GRID1: variants seen among roughly 807,000 people sequenced by gnomAD.
The protein encoded by GRID1 is glutamate ionotropic receptor delta type subunit 1.
GRID1 carries 28 observed loss-of-function variants against 98.0 expected under a neutral mutation model. The ratio of observed to expected loss-of-function variants is 0.29; its 90% CI spans 0.21 to 0.39. The LOEUF (loss-of-function observed/expected upper bound fraction) is 0.39, where lower values mean the gene tolerates loss of function less well. Ranked by LOEUF, GRID1 falls within the 10% of genes least tolerant of loss-of-function variation. GRID1 has a pLI of 1.00. For synonymous variants in GRID1, 553 were observed against 538.5 expected, an observed-to-expected ratio of 1.03 and a Z score of -0.37; for missense variants, 1,111 against 1,340.5, an observed-to-expected ratio of 0.83 and a Z score of 2.67.
At position 86,206,285 on chromosome 10, in the gene GRID1, C is replaced by T; in HGVS notation, c.520+79G>A. 7.1e-7 allele frequency: 1 copy of T among 1,416,664 alleles called. No individual in the cohort carries two copies. Among genetic ancestry groups the T allele is most frequent in the South Asian group, 1.3e-5 (1 of 76,182 alleles). 87.8% of individuals were successfully genotyped at this position (1,416,664 alleles called of 1,614,324 possible). ...CAGACCACCCCTGACCGGTCCAGGGCCCCACCCACTCTCAGGTCTCCCAGC... is the reference window on the plus strand; with the variant it reads ...CAGACCACCCCTGACCGGTCCAGGGTCCCACCCACTCTCAGGTCTCCCAGC... On this transcript the variant is annotated intron_variant, in intron 3 of 15. Coordinates refer to ENST00000327946, the MANE Select transcript of GRID1 (RefSeq NM_017551.3). The surrounding 1 kb of genome is among the most constrained non-coding windows in gnomAD (Gnocchi z 4.1).
chr10:85,610,717 T>A (rs915152799), intron 15 of GRID1, among the ~76,000 whole-genome samples: 3 of 152,034 alleles, frequency 2.0e-5, no homozygotes, highest in Non-Finnish European at 4.4e-5. Flanking sequence ...CATGAGGAAG[T>A]AAGCTCCCTG....
At chr10:85,736,695 C>T (rs887024958) in intron 8 of GRID1, among the ~76,000 whole-genome samples, 1 of 152,004 alleles carries the variant, frequency 6.6e-6, no homozygotes, top group Non-Finnish European at 1.5e-5. Context: ...AGCAAATGGG[C>T]TCAGAGTATG....
At chr10:86,197,952 T>C (rs537847237) in intron 3 of GRID1, among the ~76,000 whole-genome samples, 5 of 152,174 alleles carry the variant, frequency 3.3e-5, no homozygotes, top group Admixed American at 2.0e-4. Flanking sequence ...ACTCATTTTG[T>C]CTGGAAAAAG....
chr10:85,933,851 G>A (rs1215811132), intron 4 of GRID1, among the ~76,000 whole-genome samples: 2 of 152,178 alleles, frequency 1.3e-5, no homozygotes, highest in African/African-American at 2.4e-5. Context: ...TGTGCATGAG[G>A]GCTGGAGATT....
rs1841136746 is a variant in GRID1 at position 85,675,671 on chromosome 10, T to C, written c.1998-28274A>G. Among the ~76,000 whole-genome samples, 12 of 152,334 alleles carry C rather than the reference T, an allele frequency of 7.9e-5. No individual in the cohort carries two copies. The South Asian group carries it at 2.5e-3, about 32-fold the overall frequency. ...GAGGGAGATCATAAACACAATGAAT[T>C]CAACATTCAAACTTCAGAGAGAAGA... On this transcript the variant is annotated intron_variant, in intron 12 of 15. Transcript: ENST00000327946.
At chr10:85,821,772 C>T (rs556316767) in intron 8 of GRID1, among the ~76,000 whole-genome samples, 4 of 152,130 alleles carry the variant, frequency 2.6e-5, no homozygotes, top group Non-Finnish European at 5.9e-5. Flanking sequence ...CATCACGCTA[C>T]CTGACTTCAA....
intron 4 of GRID1, among the ~76,000 whole-genome samples, chr10:86,045,799 G>T (rs1190092149): frequency 6.6e-6 from 1 of 152,172 alleles, no homozygotes; most frequent in East Asian, 1.9e-4. Context: ...GTTATGGTTG[G>T]AAACAGAGGA....
chr10:86,025,112 G>A (rs1473992479), intron 4 of GRID1, among the ~76,000 whole-genome samples: 1 of 152,152 alleles, frequency 6.6e-6, no homozygotes. Context: ...AATAGTTTGC[G>A]AGAAAGCAGC....
chr10:86,213,346 G>T (rs911959187), intron 2 of GRID1, among the ~76,000 whole-genome samples: 2 of 151,998 alleles, frequency 1.3e-5, no homozygotes, highest in Non-Finnish European at 2.9e-5. Context: ...GGCTCCCCAC[G>T]CTGACACATC....
chr10:85,651,403 A>T (rs115344235), intron 12 of GRID1, among the ~76,000 whole-genome samples: 358 of 152,292 alleles, frequency 2.4e-3, no homozygotes, highest in African/African-American at 8.3e-3. Context: ...ATTGGAGCCT[A>T]TCTCCTCAAC....
At chr10:85,942,751 T>G (rs1315237843) in intron 4 of GRID1, among the ~76,000 whole-genome samples, 3 of 152,240 alleles carry the variant, frequency 2.0e-5, no homozygotes, top group African/African-American at 7.2e-5. Flanking sequence ...AATTAACTTT[T>G]GTCCTGTGGT....
At chr10:85,980,432 T>C (rs1842530619) in intron 4 of GRID1, among the ~76,000 whole-genome samples, 1 of 135,782 alleles carries the variant, frequency 7.4e-6, no homozygotes, top group South Asian at 2.2e-4. Context: ...AGAAACTGTC[T>C]GTCTACAGAA....
chr10:86,231,101 G>A (rs1157913067), intron 2 of GRID1, among the ~76,000 whole-genome samples: 1 of 152,178 alleles, frequency 6.6e-6, no homozygotes, highest in Non-Finnish European at 1.5e-5. Flanking sequence ...AGGGACGGAG[G>A]GAGAACTGCC....
At chr10:86,227,396 A>G (rs569009433) in intron 2 of GRID1, among the ~76,000 whole-genome samples, 32 of 152,280 alleles carry the variant, frequency 2.1e-4, no homozygotes, top group African/African-American at 6.7e-4. Context: ...CTGCAGCCCC[A>G]GCACCAAGGC....
At chr10:86,244,874 G>A (rs1159839384) in intron 2 of GRID1, among the ~76,000 whole-genome samples, 1 of 152,202 alleles carries the variant, frequency 6.6e-6, no homozygotes, top group African/African-American at 2.4e-5. Context: ...AATTAACTGT[G>A]GTTTAATGAA....
chr10:85,667,184 T>G (rs1841029755), intron 12 of GRID1, among the ~76,000 whole-genome samples: 1 of 152,164 alleles, frequency 6.6e-6, no homozygotes. Flanking sequence ...CACCCACATC[T>G]AGCACATGGG....
At chr10:85,670,083 T>C (rs185145005) in intron 12 of GRID1, among the ~76,000 whole-genome samples, 1 of 152,354 alleles carries the variant, frequency 6.6e-6, no homozygotes, top group East Asian at 1.9e-4. Flanking sequence ...TATTTATGAT[T>C]TTTCAAAAAT....
intron 4 of GRID1, among the ~76,000 whole-genome samples, chr10:86,114,257 G>T (rs1418521504): frequency 3.3e-5 from 5 of 152,088 alleles, no homozygotes; most frequent in Non-Finnish European, 7.4e-5. Context: ...AATCCATGGG[G>T]CCACCATGTG....
intron 3 of GRID1, among the ~76,000 whole-genome samples, chr10:86,148,880 G>T (rs1845122638): frequency 1.3e-5 from 2 of 152,212 alleles, no homozygotes; most frequent in South Asian, 4.1e-4. Context: ...CTATCTGGGT[G>T]ATCCTGGACA....
Sources: gnomAD v4.1 joint callset for allele counts (sites outside exome capture counted in the v4.1 genomes callset) on GRCh38, gnomAD v4.1.1 for gene constraint, Gnocchi (gnomAD v3.1) non-coding constraint, MANE v1.5 for transcripts, NCBI Gene and HGNC (gene_info 2026-07-23, HGNC 2026-07-21) for gene names.